NOD1: variants seen among roughly 807,000 people sequenced by gnomAD.
The protein encoded by NOD1 is nucleotide binding oligomerization domain containing 1.
Under a neutral mutation model 81.2 loss-of-function variants are expected in NOD1, and 70 were observed. That is an observed-to-expected ratio of 0.86 (90% confidence interval 0.71 to 1.05). NOD1 has a LOEUF of 1.05. Among genes scored for constraint, NOD1 ranks in the 50% least tolerant of loss-of-function variants. NOD1 has a pLI of 0.00. For synonymous variants in NOD1, 508 were observed against 526.9 expected (o/e 0.96, Z 0.49); for missense variants, 1,233 against 1,228.0 (o/e 1.00, Z -0.06).
chr7:30,445,278 T>TAAAAAAA (rs55875433), intron 9 of NOD1, among the ~76,000 whole-genome samples: 13 of 69,178 alleles, frequency 1.9e-4, no homozygotes, highest in Admixed American at 3.3e-4. Flanking sequence ...AAAAAGAATC[T>TAAAAAAA]AAAAAAAAAA....
rs918555067 is a variant in NOD1, at chr7:30,467,698, TTTTG to T, written c.-351-7661_-351-7658del. On this transcript the variant is annotated intron_variant, in intron 1 of 13. Transcript: ENST00000222823. This position sits in a 1 kb window ranked among gnomAD's most constrained non-coding sequence, Gnocchi z 4.5. ...CAGTTTTTTTTGTTGTTGTTGTTAT[TTTTG>T]TTTGTTTGTTTGTTTTGAGACAGAG... Among the ~76,000 whole-genome samples, 390 of 152,164 alleles carry T rather than the reference TTTTG, an allele frequency of 2.6e-3. 2 individuals are homozygous for T. Among genetic ancestry groups the T allele is most frequent in the African/African-American group, 8.6e-3 (358 of 41,502 alleles).
At position 30,437,617 on chromosome 7, in the gene NOD1, G is replaced by T; in HGVS notation, c.2493C>A (p.Ala831=). 6.6e-7 allele frequency: 1 copy of T among 1,511,808 alleles called. No individual in the cohort carries two copies. Among genetic ancestry groups the T allele is most frequent in the Non-Finnish European group, 8.8e-7 (1 of 1,142,684 alleles). 93.6% of individuals were successfully genotyped at this position (1,511,808 alleles called of 1,614,324 possible). A position where few individuals can be genotyped will look rare whatever the true frequency, so the allele number is the denominator to read the frequency against. The change falls in exon 10 of 14, where the codon GCC becomes GCA. Residue 831 remains alanine (A), a synonymous_variant. Coordinates refer to ENST00000222823, the MANE Select transcript of NOD1 (RefSeq NM_006092.4). ...GNQVGDEGAK[A]FAEALRNHPS... Reference sequence around the variant, plus strand: ...GGTGGTTCCGCAGAGCCTCTGCGAAGGCTTTTGCTCCTTCATCCCCAACTT... The same window carrying T: ...GGTGGTTCCGCAGAGCCTCTGCGAATGCTTTTGCTCCTTCATCCCCAACTT...
intron 1 of NOD1, among the ~76,000 whole-genome samples, chr7:30,463,402 C>CA (rs3075407): frequency 2.1e-5 from 2 of 93,200 alleles, no homozygotes; most frequent in Non-Finnish European, 4.5e-5. Flanking sequence ...AAGACAAAAA[C>CA]AAAAATGATG....
intron 9 of NOD1, among the ~76,000 whole-genome samples, chr7:30,445,373 A>C (rs1784944219): frequency 6.6e-6 from 1 of 151,936 alleles, no homozygotes; most frequent in Admixed American, 6.6e-5. Context: ...CAACAGCCAA[A>C]GCATAGAAGC....
intron 1 of NOD1, among the ~76,000 whole-genome samples, chr7:30,461,770 G>A (rs1298305790): frequency 2.0e-5 from 3 of 151,866 alleles, no homozygotes; most frequent in Non-Finnish European, 4.4e-5. Context: ...ACGGAGTCTC[G>A]CTCTGTCACC....
At position 30,467,961 on chromosome 7, in the gene NOD1, C is replaced by T. The variant is rs557159017; in HGVS notation, c.-351-7920G>A. On this transcript the variant is annotated intron_variant, in intron 1 of 13. Coordinates refer to ENST00000222823, the MANE Select transcript of NOD1 (RefSeq NM_006092.4). The surrounding 1 kb of genome is among the most constrained non-coding windows in gnomAD (Gnocchi z 4.5). The stretch of plus-strand genomic sequence containing the variant: ...AGGTGATCCACCTGCCTCGACCTCC[C>T]AAAGTGCTAGGATTACAGGAGTGAG... Among the ~76,000 whole-genome samples, 103 of 152,176 alleles carry T rather than the reference C, an allele frequency of 6.8e-4. No individual in the cohort carries two copies. The highest frequency in any genetic ancestry group is 2.4e-3 in the African/African-American group (101 of 41,512).
intron 1 of NOD1, among the ~76,000 whole-genome samples, chr7:30,470,091 GAC>G (rs1249983624): frequency 6.6e-6 from 1 of 152,226 alleles, no homozygotes; most frequent in African/African-American, 2.4e-5. Flanking sequence ...GGCAGTGAAG[GAC>G]ACAGACTCTA....
At chr7:30,470,647 C>A (rs1404432684) in intron 1 of NOD1, among the ~76,000 whole-genome samples, 3 of 152,242 alleles carry the variant, frequency 2.0e-5, no homozygotes, top group Admixed American at 2.0e-4. Context: ...CAGAGCCCAG[C>A]TGTCAATGTC....
chr7:30,449,883 A>G (rs775732383), intron 6 of NOD1, among the ~76,000 whole-genome samples: 4 of 152,152 alleles, frequency 2.6e-5, no homozygotes, highest in Non-Finnish European at 4.4e-5. Context: ...ACTGGTGTGG[A>G]GTTTCCCATT....
At position 30,425,667 on chromosome 7, in the gene NOD1, C is replaced by T. The variant is rs202110779; in HGVS notation, c.2833G>A (p.Glu945Lys). 53 of 1,613,790 alleles carry T rather than the reference C, an allele frequency of 3.3e-5. No homozygotes were observed. The highest frequency in any genetic ancestry group is 4.4e-5 in the Non-Finnish European group (52 of 1,179,824). Residue 945 changes from glutamate to lysine, a missense_variant, in exon 14 of 14, where the codon GAA becomes AAA. Transcript: ENST00000222823. The stretch of plus-strand genomic sequence containing the variant: ...AAACAGATAATCCGCTTCTCATCTT[C>T]ATAGACTTTGGCCTCCTCTGGTTTT... ...LIKPEEAKVY[E>K]DEKRIICF
Position 30,446,227 on chromosome 7 carries a change from G to A in NOD1, c.2370-3C>T, listed in dbSNP as rs752181782. 6.2e-7 allele frequency: 1 copy of A among 1,612,346 alleles called. No homozygotes were observed. The highest frequency in any genetic ancestry group is 8.5e-7 in the Non-Finnish European group (1 of 1,178,430). On this transcript the variant is annotated splice_region_variant and splice_polypyrimidine_tract_variant and intron_variant, in intron 8 of 13. Coordinates refer to ENST00000222823, the MANE Select transcript of NOD1 (RefSeq NM_006092.4). ...TTGTTATTTTGTTTTTTCCCAGTCT[G>A]CAGAGAGAGTCACACACAGTCAGCC...
intron 6 of NOD1, among the ~76,000 whole-genome samples, chr7:30,450,179 G>A (rs1362072834): frequency 6.6e-6 from 1 of 152,028 alleles, no homozygotes; most frequent in Non-Finnish European, 1.5e-5. Context: ...GGGCAACAGA[G>A]CGGGACTCCA....
intron 1 of NOD1, among the ~76,000 whole-genome samples, chr7:30,466,732 G>A (rs1238340623): frequency 2.0e-5 from 3 of 152,164 alleles, no homozygotes; most frequent in African/African-American, 7.2e-5. Context: ...ATCCCTCTTA[G>A]CACAGAAAAG....
intron 1 of NOD1, among the ~76,000 whole-genome samples, chr7:30,472,105 C>A (rs1416606318): frequency 6.6e-6 from 1 of 152,216 alleles, no homozygotes; most frequent in Non-Finnish European, 1.5e-5. Flanking sequence ...GACTAATGAT[C>A]TTTTTCTTGT....
At chr7:30,449,007 T>C (rs999021570) in intron 6 of NOD1, among the ~76,000 whole-genome samples, 1 of 152,190 alleles carries the variant, frequency 6.6e-6, no homozygotes, top group African/African-American at 2.4e-5. Context: ...GCAAATATTT[T>C]AGGCTCTGTG....
intron 3 of NOD1, among the ~76,000 whole-genome samples, chr7:30,458,800 A>T (rs1786684330): frequency 6.6e-6 from 1 of 150,646 alleles, no homozygotes; most frequent in Admixed American, 6.6e-5. Flanking sequence ...GCAGTGGCAC[A>T]ATCTCGGCTC....
chr7:30,429,319 G>A, intron 13 of NOD1, 55 bp downstream of exon 13: 1 of 1,426,732 alleles, frequency 7.0e-7, no homozygotes, highest in Non-Finnish European at 9.9e-7. Context: ...CACAGTCAGT[G>A]GTGGTGAGTA....
intron 1 of NOD1, among the ~76,000 whole-genome samples, chr7:30,472,817 T>A (rs1351739548): frequency 6.6e-6 from 1 of 152,210 alleles, no homozygotes; most frequent in Non-Finnish European, 1.5e-5. Context: ...TGTTTGTTGC[T>A]TAAGTCCCCC....
intron 1 of NOD1, among the ~76,000 whole-genome samples, chr7:30,471,196 T>G (rs1335908217): frequency 6.6e-6 from 1 of 152,034 alleles, no homozygotes; most frequent in African/African-American, 2.4e-5. Context: ...ACCCAGGGAT[T>G]TATGTGTGGT....
Sources: allele counts gnomAD v4.1 joint callset (sites outside exome capture counted in the v4.1 genomes callset), GRCh38; gene constraint gnomAD v4.1.1; non-coding constraint Gnocchi (gnomAD v3.1); transcripts MANE v1.5; gene names NCBI Gene and HGNC (gene_info 2026-07-23, HGNC 2026-07-21).